DGKQ: variants seen among roughly 807,000 people sequenced by gnomAD.
DGKQ encodes DAG kinase theta.
Under a neutral mutation model 104.2 loss-of-function variants are expected in DGKQ, and 97 were observed. That is an observed-to-expected ratio of 0.93 (90% CI 0.79 to 1.10). DGKQ has a LOEUF of 1.10. Among genes scored for constraint, DGKQ ranks in the 50% least tolerant of loss-of-function variants. The pLI, the probability that DGKQ is intolerant of heterozygous loss-of-function variation, is 0.00. For missense variants in DGKQ, 1,465 were observed against 1,352.1 expected (o/e 1.08, Z -1.31); for synonymous variants, 736 against 595.2 (o/e 1.24, Z -3.44).
In DGKQ at chr4:961,705, G is replaced by C. The variant is rs1393370925; in HGVS notation, c.2445C>G (p.Ile815Met). ...GCGAGCACCTGGGGATGTTGATGAA[G>C]ATGAGGCCTTCAATACTGGGCAGCT... is the stretch of plus-strand genomic sequence containing the variant. Reference protein sequence around the residue: ...EVELPSIEGLIFINIPSWGSG... With the variant: ...EVELPSIEGLMFINIPSWGSG... The change falls in exon 20 of 23, where the codon ATC (isoleucine) becomes ATG (methionine). Residue 815 changes from isoleucine to methionine, a missense_variant. Transcript: ENST00000273814. 4 of 1,612,616 alleles carry C rather than the reference G, an allele frequency of 2.5e-6. No individual in the cohort carries two copies. In the African/African-American group the frequency reaches 4.0e-5, roughly 16 times the overall value.
rs1223855199 is a variant in DGKQ, at chr4:968,520, T to C, written c.496A>G (p.Ser166Gly). 6.2e-7 allele frequency: 1 copy of C among 1,609,392 alleles called. No homozygotes were observed. Among genetic ancestry groups the C allele is most frequent in the South Asian group, 1.1e-5 (1 of 90,622 alleles). Reference protein sequence around the residue: ...LHPDCVPFACSDCRQCHQDGH... With the variant: ...LHPDCVPFACGDCRQCHQDGH... ...TCCTGGTGGCACTGGCGGCAGTCAC[T>C]GCAGGCGAAGGGCACACAGTCTGGG... The change falls in exon 4 of 23, where the codon AGT becomes GGT. Residue 166 changes from serine (S) to glycine (G), a missense_variant. Coordinates refer to ENST00000273814, the MANE Select transcript of DGKQ (RefSeq NM_001347.4).
rs1222020440 is a variant in DGKQ at position 970,982 on chromosome 4, C to T, written c.351+11G>A. 1 of 1,548,274 alleles carries T rather than the reference C, an allele frequency of 6.5e-7. No homozygotes were observed. Among genetic ancestry groups the T allele is most frequent in the Non-Finnish European group, 8.7e-7 (1 of 1,146,258 alleles). On this transcript the variant is annotated intron_variant, in intron 2 of 22. Coordinates refer to ENST00000273814, the MANE Select transcript of DGKQ (RefSeq NM_001347.4). ...GCCTCTTGCAGGTGCAACACCCAGC[C>T]CCACACTCACCCGGACCAGGCTGGG...
At chr4:966,866 G>T in intron 10 of DGKQ, 64 bp from the exon 11 acceptor site, 1 of 1,567,834 alleles carries the variant, frequency 6.4e-7, no homozygotes, top group East Asian at 2.4e-5. Context: ...CACCCGCGGG[G>T]ACAGCCACGC....
chr4:965,078 CAGCG>C lies in DGKQ; in HGVS notation c.1734+94_1734+97del. On this transcript the variant is annotated intron_variant, in intron 15 of 22. Transcript: ENST00000273814. ...TCAAGGAAGTGATGCCAGATGAAAA[CAGCG>C]AGTCTGGCTGTGGGGCCTGTGCACC... The C allele has an allele frequency of 6.7e-6, 6 of 890,558 alleles. No individual in the cohort carries two copies. In the South Asian group the frequency reaches 8.9e-5, roughly 13 times the overall value. The allele number at this position is 890,558 out of a possible 1,614,324, so 55.2% of individuals were successfully genotyped here.
intron 15 of DGKQ, 30 bp downstream of exon 15, chr4:965,146 T>C: frequency 1.3e-6 from 2 of 1,593,768 alleles, no homozygotes; most frequent in Non-Finnish European, 1.7e-6. Flanking sequence ...CCCTGGGGTG[T>C]GTGAAGAGCC....
chr4:967,140 A>T lies in DGKQ; in HGVS notation c.1209T>A (p.Pro403=), dbSNP rs773998913. ...PRAQEVLKIY[P]GWLKVGVAYV... The stretch of plus-strand genomic sequence containing the variant: ...GGGCCCAGTCTCACTTGAGCCAGCC[A>T]GGGTAGATCTTCAGGACCTCCTGGG... Residue 403 remains proline (P), a synonymous_variant, in exon 9 of 23, where the codon CCT becomes CCA. Transcript: ENST00000273814. 2 of 1,593,486 alleles carry T rather than the reference A, an allele frequency of 1.3e-6. No homozygotes were observed. Among genetic ancestry groups the T allele is most frequent in the Non-Finnish European group, 1.7e-6 (2 of 1,170,052 alleles).
chr4:967,655 C>G lies in DGKQ; in HGVS notation c.887-6G>C. ...GATCTTCAGCGTTTGCTTCCCTGGGCCGGGTAAGCTCCGTGAGTCCCGGGC... is the reference window on the plus strand; with the variant it reads ...GATCTTCAGCGTTTGCTTCCCTGGGGCGGGTAAGCTCCGTGAGTCCCGGGC... On this transcript the variant is annotated splice_polypyrimidine_tract_variant and splice_region_variant and intron_variant, in intron 7 of 22. Transcript: ENST00000273814. 6.2e-7 allele frequency: 1 copy of G among 1,612,610 alleles called. No homozygotes were observed. The highest frequency in any genetic ancestry group is 8.5e-7 in the Non-Finnish European group (1 of 1,179,822).
intron 15 of DGKQ, 147 bp downstream of exon 15, chr4:965,029 G>A: frequency 3.1e-6 from 2 of 643,656 alleles, no homozygotes; most frequent in South Asian, 1.8e-5. Flanking sequence ...CAAACAAGGT[G>A]GCACCTACAA....
chr4:969,818 A>G (rs954197698), intron 2 of DGKQ, among the ~76,000 whole-genome samples: 4 of 152,118 alleles, frequency 2.6e-5, no homozygotes, highest in East Asian at 3.9e-4. Context: ...TCACTGTGTT[A>G]GCCAGGATGG....
chr4:970,944 G>T, intron 2 of DGKQ, 49 bp downstream of exon 2: 1 of 1,440,996 alleles, frequency 6.9e-7, no homozygotes, highest in Non-Finnish European at 9.5e-7. Context: ...TACGAGAGCT[G>T]ACACATCCCC....
chr4:966,286 G>A (rs1712328815), intron 12 of DGKQ, 180 bp downstream of exon 12: 2 of 828,416 alleles, frequency 2.4e-6, no homozygotes, highest in South Asian at 1.7e-5. Context: ...GGGGAGATCT[G>A]CAGCTCGAGG....
chr4:961,225 G>A, intron 21 of DGKQ, 24 bp from the exon 22 acceptor site: 5 of 1,516,158 alleles, frequency 3.3e-6, no homozygotes, highest in South Asian at 1.3e-5. Context: ...GGCCAGCCGG[G>A]CTCAGCGGGG....
At chr4:966,375 A>G in intron 12 of DGKQ, 91 bp downstream of exon 12, 1 of 1,396,660 alleles carries the variant, frequency 7.2e-7, no homozygotes, top group Non-Finnish European at 1.0e-6. Context: ...GCCAAGGAGA[A>G]CTCGGCGTCT....
At chr4:967,492 G>C (rs952819533) in intron 8 of DGKQ, 57 bp downstream of exon 8, 58 of 1,565,042 alleles carry the variant, frequency 3.7e-5, no homozygotes, top group Non-Finnish European at 4.8e-5. Flanking sequence ...GGTGCGCCAG[G>C]TGCGGGGACA....
rs2153009625 is a variant in DGKQ at position 966,813 on chromosome 4, A to G, written c.1312-11T>C. The stretch of plus-strand genomic sequence containing the variant: ...CTCGGGACTCTCGGCCTGTTGGGGT[A>G]GAGCTTGGCATCGGGTCTGGGCAGG... On this transcript the variant is annotated splice_polypyrimidine_tract_variant and intron_variant, in intron 10 of 22. Transcript: ENST00000273814. 1.2e-6 allele frequency: 2 copies of G among 1,607,758 alleles called. No homozygotes were observed. Among genetic ancestry groups the G allele is most frequent in the South Asian group, 2.2e-5 (2 of 90,004 alleles).
intron 1 of DGKQ, among the ~76,000 whole-genome samples, chr4:972,559 C>T (rs1362499502): frequency 1.4e-5 from 2 of 147,844 alleles, no homozygotes; most frequent in Admixed American, 1.3e-4. Flanking sequence ...CCTCCAGAGG[C>T]TGGGCTGTGG....
chr4:966,122 CCACCGCACCAGGCCCTCTGT>C (rs759969902), intron 12 of DGKQ, 44 bp from the exon 13 acceptor site: 1 of 1,546,828 alleles, frequency 6.5e-7, no homozygotes, highest in Non-Finnish European at 8.8e-7. Context: ...GAGAACGGCA[CCACCGCACCAGGCCCTCTGT>C]CTCCTCACCC....
In DGKQ at chr4:963,303, G is replaced by C; in HGVS notation, c.1735-13C>G. On this transcript the variant is annotated splice_polypyrimidine_tract_variant and intron_variant, in intron 15 of 22. Coordinates refer to ENST00000273814, the MANE Select transcript of DGKQ (RefSeq NM_001347.4). ...GCAGCTTCGCGTGCTGACAGACAGG[G>C]GGCTGGGTTAGGATGGGGACCCAAG... 6.3e-7 allele frequency: 1 copy of C among 1,595,210 alleles called. No individual in the cohort carries two copies. The highest frequency in any genetic ancestry group is 8.6e-7 in the Non-Finnish European group (1 of 1,166,468).
intron 21 of DGKQ, 69 bp downstream of exon 21, chr4:961,398 C>T: frequency 6.7e-7 from 1 of 1,487,554 alleles, no homozygotes. Flanking sequence ...GCGGGAGAGG[C>T]CAGCTGGGCT....
Sources: allele counts gnomAD v4.1 joint callset (sites outside exome capture counted in the v4.1 genomes callset), GRCh38; gene constraint gnomAD v4.1.1; transcripts MANE v1.5; gene names NCBI Gene and HGNC (gene_info 2026-07-23, HGNC 2026-07-21).